PTPRD: variants seen among roughly 807,000 people sequenced by gnomAD.
PTPRD encodes the protein protein tyrosine phosphatase receptor type D.
A neutral mutation model predicts 214.5 loss-of-function variants in PTPRD; 34 were observed. That is an observed-to-expected ratio of 0.16 (90% CI 0.12 to 0.21). The LOEUF is 0.21. PTPRD is among the 10% of genes least tolerant of loss of function. The pLI is 1.00. For missense variants in PTPRD, 2,545 were observed against 2,398.7 expected, an observed-to-expected ratio of 1.06 and a Z score of -1.27; for synonymous variants, 1,128 against 845.7, an observed-to-expected ratio of 1.33 and a Z score of -5.79.
At chr9:8,462,151 T>C (rs1236685398) in intron 32 of PTPRD, among the ~76,000 whole-genome samples, 2 of 152,010 alleles carry the variant, frequency 1.3e-5, no homozygotes, top group African/African-American at 2.4e-5. Flanking sequence ...TTCAAATTAG[T>C]ATGAGTTTCT....
chr9:10,241,017 G>C (rs1468748497), intron 3 of PTPRD, among the ~76,000 whole-genome samples: 2 of 144,914 alleles, frequency 1.4e-5, no homozygotes. Context: ...TACCAGAGTA[G>C]AAAAAAAAAA....
chr9:9,681,973 A>G (rs533993292), intron 7 of PTPRD, among the ~76,000 whole-genome samples: 1 of 151,812 alleles, frequency 6.6e-6, no homozygotes, highest in Non-Finnish European at 1.5e-5. Flanking sequence ...AGAGATTAGG[A>G]AAGACATCAC....
At chr9:9,638,301 C>T (rs370131389) in intron 7 of PTPRD, among the ~76,000 whole-genome samples, 164 of 152,278 alleles carry the variant, frequency 1.1e-3, no homozygotes, top group African/African-American at 3.8e-3. Flanking sequence ...GCATTCTGAA[C>T]GCTGCTGCTA....
chr9:8,717,039 G>A (rs1048522609), intron 12 of PTPRD, among the ~76,000 whole-genome samples: 2 of 152,138 alleles, frequency 1.3e-5, no homozygotes, highest in Non-Finnish European at 1.5e-5. Context: ...ATGGTGGCAT[G>A]TGCCTGTAAT....
chr9:10,000,572 G>A (rs1451062716), intron 4 of PTPRD, among the ~76,000 whole-genome samples: 1 of 152,132 alleles, frequency 6.6e-6, no homozygotes, highest in Non-Finnish European at 1.5e-5. Flanking sequence ...CTTCTCTTGA[G>A]GGGGGAATAA....
chr9:10,219,304 C>CT (rs1564601088), intron 3 of PTPRD, among the ~76,000 whole-genome samples: 1 of 151,890 alleles, frequency 6.6e-6, no homozygotes, highest in Admixed American at 6.6e-5. Context: ...TGCAAATTCT[C>CT]TAAGCATTAG....
rs71317400 is a variant in PTPRD, at chr9:9,101,101, C to CAG, written c.-143+82201_-143+82202dup. ...TCTGAACCAATTGGCCAATGTAAAA[C>CAG]AGAGAGAGAGAGAGAGTAGAGAGCA... On this transcript the variant is annotated intron_variant, in intron 10 of 45. Transcript: ENST00000381196. Among the ~76,000 whole-genome samples, 889 of 150,494 alleles carry CAG rather than the reference C, an allele frequency of 5.9e-3. 8 individuals carry two copies. Among genetic ancestry groups the CAG allele is most frequent in the African/African-American group, 0.02 (841 of 41,046 alleles).
chr9:9,432,424 A>G (rs1005748258), intron 8 of PTPRD, among the ~76,000 whole-genome samples: 7 of 152,194 alleles, frequency 4.6e-5, no homozygotes, highest in Admixed American at 2.0e-4. Context: ...TATTTTTAAA[A>G]TGCTTCTATA....
intron 39 of PTPRD, among the ~76,000 whole-genome samples, chr9:8,352,563 G>C (rs376557261): frequency 2.6e-5 from 4 of 152,116 alleles, no homozygotes; most frequent in African/African-American, 9.7e-5. Flanking sequence ...CCCAAAGGAA[G>C]TTACAATCAC....
At chr9:10,322,304 A>T (rs1452358682) in intron 3 of PTPRD, among the ~76,000 whole-genome samples, 3 of 152,022 alleles carry the variant, frequency 2.0e-5, no homozygotes, top group African/African-American at 7.2e-5. Flanking sequence ...AGTGAAGGAA[A>T]CCACAAAACA....
intron 12 of PTPRD, among the ~76,000 whole-genome samples, chr9:8,656,083 A>G (rs986136249): frequency 6.6e-6 from 1 of 152,132 alleles, no homozygotes. Flanking sequence ...TATGAAAAAA[A>G]CATTTTTTAA....
intron 5 of PTPRD, among the ~76,000 whole-genome samples, chr9:9,920,584 C>T (rs1388943578): frequency 6.6e-6 from 1 of 152,110 alleles, no homozygotes; most frequent in African/African-American, 2.4e-5. Flanking sequence ...AAATTTGTTA[C>T]GTCCTCTTTA....
At chr9:9,914,384 C>A (rs778592761) in intron 5 of PTPRD, among the ~76,000 whole-genome samples, 14 of 152,186 alleles carry the variant, frequency 9.2e-5, no homozygotes, top group East Asian at 1.9e-4. Flanking sequence ...ATGTCTTGGG[C>A]CTTGAGCTTC....
chr9:9,590,539 T>C (rs187904445), intron 7 of PTPRD, among the ~76,000 whole-genome samples: 2 of 152,166 alleles, frequency 1.3e-5, no homozygotes, highest in African/African-American at 2.4e-5. Flanking sequence ...TTTTCTATAA[T>C]GAACATCAAT....
chr9:9,144,700 G>A (rs571757286), intron 10 of PTPRD, among the ~76,000 whole-genome samples: 3 of 152,074 alleles, frequency 2.0e-5, no homozygotes, highest in African/African-American at 4.8e-5. Context: ...TTGCAGTGAC[G>A]TGAGATTGTA....
At chr9:9,054,225 G>A (rs999113036) in intron 10 of PTPRD, among the ~76,000 whole-genome samples, 3 of 152,124 alleles carry the variant, frequency 2.0e-5, no homozygotes, top group Non-Finnish European at 4.4e-5. Flanking sequence ...TTGGGACTCA[G>A]AATAGTTAAA....
chr9:8,580,623 T>C (rs1030824343), intron 14 of PTPRD, among the ~76,000 whole-genome samples: 1 of 152,210 alleles, frequency 6.6e-6, no homozygotes, highest in Non-Finnish European at 1.5e-5. Flanking sequence ...GTATTCCTTA[T>C]GACACCATTT....
At chr9:10,395,738 T>G (rs1167730223) in intron 2 of PTPRD, among the ~76,000 whole-genome samples, 2 of 151,812 alleles carry the variant, frequency 1.3e-5, no homozygotes, top group East Asian at 3.9e-4. Flanking sequence ...TTCCAAAGAT[T>G]TACACTTGTG....
At chr9:9,489,963 A>G (rs2095830293) in intron 8 of PTPRD, among the ~76,000 whole-genome samples, 1 of 152,168 alleles carries the variant, frequency 6.6e-6, no homozygotes, top group South Asian at 2.1e-4. Context: ...GTTGTCAACA[A>G]AATTTCAAAA....
Sources: gnomAD v4.1 joint callset for allele counts (sites outside exome capture counted in the v4.1 genomes callset) on GRCh38, gnomAD v4.1.1 for gene constraint, MANE v1.5 for transcripts, NCBI Gene and HGNC (gene_info 2026-07-23, HGNC 2026-07-21) for gene names.